Variants in DLGAP1 observed in about 807,000 individuals in gnomAD.
DLGAP1 encodes disks large-associated protein 1.
DLGAP1 carries 11 observed loss-of-function variants against 90.8 expected under a neutral mutation model. The ratio of observed to expected loss-of-function variants is 0.12; its 90% CI spans 0.08 to 0.20. The LOEUF (loss-of-function observed/expected upper bound fraction) is 0.20. DLGAP1 is among the 10% of genes least tolerant of loss of function. The pLI, the probability that DLGAP1 is intolerant of heterozygous loss-of-function variation, is 1.00. For missense variants in DLGAP1, 1,050 were observed against 1,333.8 expected (o/e 0.79, Z 3.31); for synonymous variants, 558 against 540.7 (o/e 1.03, Z -0.44).
chr18:3,815,111 T>G (rs996269655), intron 4 of DLGAP1, among the ~76,000 whole-genome samples: 1 of 152,194 alleles, frequency 6.6e-6, no homozygotes, highest in African/African-American at 2.4e-5. Context: ...GCAATTTTAT[T>G]TGAGCTTTTC....
At chr18:4,145,835 C>T (rs1293827575) in intron 2 of DLGAP1, among the ~76,000 whole-genome samples, 1 of 151,970 alleles carries the variant, frequency 6.6e-6, no homozygotes, top group African/African-American at 2.4e-5. Flanking sequence ...TAGTTTCTCC[C>T]CAAGCTAGAT....
At chr18:4,029,686 G>A in intron 2 of DLGAP1, among the ~76,000 whole-genome samples, 1 of 152,126 alleles carries the variant, frequency 6.6e-6, no homozygotes, top group East Asian at 1.9e-4. Flanking sequence ...CCTAATTTCA[G>A]TGTCTTCCTA....
Position 4,412,395 on chromosome 18 carries a change from A to T in DLGAP1, c.-267+42611T>A, listed in dbSNP as rs900075704. Among the ~76,000 whole-genome samples, 3 of 152,208 alleles carry T rather than the reference A, an allele frequency of 2.0e-5. No individual in the cohort carries two copies. The South Asian group carries it at 6.2e-4, about 31-fold the overall frequency. ...GCCTTGCAAGATAGCAAGTGCCCTC[A>T]TCAAGATATAGTCAGCTTCTCCTCC... is the stretch of plus-strand genomic sequence containing the variant. On this transcript the variant is annotated intron_variant, in intron 1 of 12. Coordinates refer to ENST00000315677, the MANE Select transcript of DLGAP1 (RefSeq NM_004746.4).
chr18:4,078,451 G>A (rs1411762042), intron 2 of DLGAP1, among the ~76,000 whole-genome samples: 1 of 152,188 alleles, frequency 6.6e-6, no homozygotes, highest in East Asian at 1.9e-4. Context: ...CCTAGGAATG[G>A]ACGTTTTTAA....
chr18:3,544,652 G>A (rs934608152), intron 9 of DLGAP1, among the ~76,000 whole-genome samples: 1 of 151,454 alleles, frequency 6.6e-6, no homozygotes, highest in African/African-American at 2.4e-5. Flanking sequence ...CTTGTTTTTT[G>A]GGCCAAAATA....
At chr18:4,187,937 G>T (rs1432080929) in intron 1 of DLGAP1, among the ~76,000 whole-genome samples, 1 of 152,138 alleles carries the variant, frequency 6.6e-6, no homozygotes, top group African/African-American at 2.4e-5. Flanking sequence ...GGCAGAGGTT[G>T]CAATGAGCAG....
chr18:4,453,640 C>A (rs6506203), intron 1 of DLGAP1, among the ~76,000 whole-genome samples: 34,317 of 152,084 alleles, frequency 0.23, 4,474 homozygotes, highest in African/African-American at 0.37. Flanking sequence ...TTCTCATCTC[C>A]ATGTCTAACC....
rs147867370 is a variant in DLGAP1, at chr18:3,615,859, C to A, written c.1592-33611G>T. ...TTTAGGTGGGGAGGGGGCATTTTAGCAGGAATTTTTGCAAACATTTCTTCC... is the reference window on the plus strand; with the variant it reads ...TTTAGGTGGGGAGGGGGCATTTTAGAAGGAATTTTTGCAAACATTTCTTCC... On this transcript the variant is annotated intron_variant, in intron 7 of 12. Coordinates refer to ENST00000315677, the MANE Select transcript of DLGAP1 (RefSeq NM_004746.4). 4.4e-3 allele frequency among the ~76,000 whole-genome samples: 674 copies of A among 152,144 alleles called. 7 individuals are homozygous for A. The highest frequency in any genetic ancestry group is 0.015 in the African/African-American group (630 of 41,504).
rs1205327922 is a variant in DLGAP1 at position 3,664,200 on chromosome 18, A to C, written c.1591+64935T>G. 2.9e-5 allele frequency among the ~76,000 whole-genome samples: 4 copies of C among 138,114 alleles called. 1 individual carries two copies. Among genetic ancestry groups the C allele is most frequent in the African/African-American group, 6.1e-5 (2 of 32,624 alleles). The allele number at this position is 138,114 out of a possible 152,430, so 90.6% of individuals were successfully genotyped here. The stretch of plus-strand genomic sequence containing the variant: ...GGTCAGTATACACACACACACACAC[A>C]CACACACACACACACACCCACACAC... On this transcript the variant is annotated intron_variant, in intron 7 of 12. Coordinates refer to ENST00000315677, the MANE Select transcript of DLGAP1 (RefSeq NM_004746.4).
intron 4 of DLGAP1, among the ~76,000 whole-genome samples, chr18:3,821,288 C>CAAAAAAA (rs56279066): frequency 1.4e-5 from 1 of 72,710 alleles, no homozygotes. Flanking sequence ...GACTCTGTGT[C>CAAAAAAA]AAAAAAAAAA....
intron 5 of DLGAP1, among the ~76,000 whole-genome samples, chr18:3,765,184 G>A (rs1053708466): frequency 3.0e-5 from 4 of 134,054 alleles, no homozygotes; most frequent in African/African-American, 1.2e-4. Context: ...CTGGAGTGCA[G>A]TGGCGCAGTC....
intron 1 of DLGAP1, among the ~76,000 whole-genome samples, chr18:4,154,086 G>A (rs546055601): frequency 6.6e-6 from 1 of 152,052 alleles, no homozygotes; most frequent in Non-Finnish European, 1.5e-5. Flanking sequence ...ATAAAGAGAC[G>A]GAATCTTGCT....
At position 3,499,488 on chromosome 18, in the gene DLGAP1, T is replaced by A. The variant is rs2049815791; in HGVS notation, c.2725-94A>T. 3 of 1,336,542 alleles carry A rather than the reference T, an allele frequency of 2.2e-6. No individual in the cohort carries two copies. The allele number at this position is 1,336,542 out of a possible 1,614,324, so 82.8% of individuals were successfully genotyped here. ...GTCAGTAGTTAGAACACACAGTTTT[T>A]TACCTAGGGGTGGTTAGTTCTGATC... On this transcript the variant is annotated intron_variant, in intron 12 of 12. Coordinates refer to ENST00000315677, the MANE Select transcript of DLGAP1 (RefSeq NM_004746.4). This position sits in a 1 kb window ranked among gnomAD's most constrained non-coding sequence, Gnocchi z 6.4.
intron 1 of DLGAP1, among the ~76,000 whole-genome samples, chr18:4,449,183 C>A (rs2033371125): frequency 6.6e-6 from 1 of 152,126 alleles, no homozygotes; most frequent in Non-Finnish European, 1.5e-5. Context: ...CTTAAAGGGT[C>A]AGAATAAAGT....
At chr18:4,275,599 G>GTTT (rs3041148) in intron 1 of DLGAP1, among the ~76,000 whole-genome samples, 3 of 149,460 alleles carry the variant, frequency 2.0e-5, no homozygotes, top group Non-Finnish European at 1.5e-5. Flanking sequence ...GATTTTAGCT[G>GTTT]TTTTTTTTTT....
chr18:3,863,329 C>A (rs1038177461), intron 4 of DLGAP1, among the ~76,000 whole-genome samples: 5 of 152,184 alleles, frequency 3.3e-5, no homozygotes, highest in African/African-American at 1.2e-4. Flanking sequence ...ATGTGTTCAT[C>A]CAGTTTCTCA....
intron 2 of DLGAP1, among the ~76,000 whole-genome samples, chr18:4,023,089 C>T (rs1158615947): frequency 1.3e-5 from 2 of 151,988 alleles, no homozygotes; most frequent in Non-Finnish European, 2.9e-5. Flanking sequence ...TGTTATGCAA[C>T]TTTTTAGTTT....
chr18:4,445,425 C>T (rs2083638606), intron 1 of DLGAP1, among the ~76,000 whole-genome samples: 1 of 150,264 alleles, frequency 6.7e-6, no homozygotes, highest in Admixed American at 6.6e-5. Context: ...TTAGGTATAT[C>T]TCCCAATGCT....
rs535676192 is a variant in DLGAP1 at position 3,534,098 on chromosome 18, C to T, written c.2479+96G>A. On this transcript the variant is annotated intron_variant, in intron 10 of 12. Transcript: ENST00000315677. ...TGGGGTGTGGAACGTCAAGGTTATA[C>T]AAGTGAAGCTGGCAGAGAAGAAAAC... The T allele has an allele frequency of 1.6e-5, 22 of 1,382,954 alleles. No individual in the cohort carries two copies. The African/African-American group carries it at 2.9e-4, about 18-fold the overall frequency. The allele number at this position is 1,382,954 out of a possible 1,614,324, so 85.7% of individuals were successfully genotyped here.
Sources: allele counts gnomAD v4.1 joint callset (sites outside exome capture counted in the v4.1 genomes callset), GRCh38; gene constraint gnomAD v4.1.1; non-coding constraint Gnocchi (gnomAD v3.1); transcripts MANE v1.5; gene names NCBI Gene and HGNC (gene_info 2026-07-23, HGNC 2026-07-21).